The following WNT9A variants were observed in gnomAD, a reference collection of about 807,000 sequenced individuals.
WNT9A encodes the protein protein Wnt-9a.
WNT9A carries 8 observed loss-of-function variants against 31.4 expected under a neutral mutation model. That is an observed-to-expected ratio of 0.26 (90% CI 0.15 to 0.46). WNT9A has a LOEUF of 0.46. Among genes scored for constraint, WNT9A ranks in the 20% least tolerant of loss-of-function variants. WNT9A has a pLI of 0.99. For missense variants in WNT9A, 457 were observed against 522.9 expected, an observed-to-expected ratio of 0.87 and a Z score of 1.23; for synonymous variants, 236 against 220.1, an observed-to-expected ratio of 1.07 and a Z score of -0.64.
At position 227,921,458 on chromosome 1, in the gene WNT9A, C is replaced by A. The variant is rs2102715578; in HGVS notation, c.*60G>T. The A allele has an allele frequency of 6.4e-7, 1 of 1,563,208 alleles. No individual in the cohort carries two copies. The highest frequency in any genetic ancestry group is 1.2e-5 in the South Asian group (1 of 81,570). The stretch of plus-strand genomic sequence containing the variant: ...GGAACTCAGCCTGTGCAGGTGTAGA[C>A]CCTTCACACCGTGTGCAATGCCTGC... On this transcript the variant is annotated 3_prime_UTR_variant, in exon 4 of 4. Coordinates refer to ENST00000272164, the MANE Select transcript of WNT9A (RefSeq NM_003395.4).
rs556057091 is a variant in WNT9A at position 227,936,714 on chromosome 1, C to T, written c.95+11079G>A. 4.0e-3 allele frequency among the ~76,000 whole-genome samples: 602 copies of T among 152,144 alleles called. 8 individuals are homozygous for T. Among genetic ancestry groups the T allele is most frequent in the African/African-American group, 0.014 (587 of 41,496 alleles). On this transcript the variant is annotated intron_variant, in intron 1 of 3. Coordinates refer to ENST00000272164, the MANE Select transcript of WNT9A (RefSeq NM_003395.4). The stretch of plus-strand genomic sequence containing the variant: ...TATCTTGGCTCACTGCAGCCTCCAG[C>T]TCCAGGACTCAAGTGATCCTCCTTC...
intron 1 of WNT9A, among the ~76,000 whole-genome samples, chr1:227,943,696 C>A (rs1484745494): frequency 6.6e-6 from 1 of 152,174 alleles, no homozygotes; most frequent in Admixed American, 6.5e-5. Flanking sequence ...TAAATGCAGG[C>A]GGGGAGCAAG....
rs1388619151 is a variant in WNT9A at position 227,928,825 on chromosome 1, G to GT, written c.96-3307dup. Among the ~76,000 whole-genome samples the GT allele has an allele frequency of 6.6e-6, 1 of 152,194 alleles. No individual in the cohort carries two copies. Among genetic ancestry groups the GT allele is most frequent in the Non-Finnish European group, 1.5e-5 (1 of 68,032 alleles). ...CCTCAGAACAGAGAAGCTTTCTTCC[G>GT]TGAGACTCAGAACTCAGAAGTCACT... is the stretch of plus-strand genomic sequence containing the variant. On this transcript the variant is annotated intron_variant, in intron 1 of 3. Transcript: ENST00000272164. The surrounding 1 kb of genome is among the most constrained non-coding windows in gnomAD (Gnocchi z 4.5).
chr1:227,937,588 G>T (rs1572132714), intron 1 of WNT9A, among the ~76,000 whole-genome samples: 2 of 152,360 alleles, frequency 1.3e-5, no homozygotes, highest in African/African-American at 4.8e-5. Context: ...AAGACACAGA[G>T]GCGGACGAGA....
At chr1:227,922,850 G>A (rs1666346775) in intron 3 of WNT9A, among the ~76,000 whole-genome samples, 1 of 152,194 alleles carries the variant, frequency 6.6e-6, no homozygotes, top group Non-Finnish European at 1.5e-5. Flanking sequence ...GCAGCCCCCA[G>A]GAGGGCCGGC....
In WNT9A at chr1:227,919,031, T is replaced by C. The variant is rs1423288509; in HGVS notation, c.*2487A>G. 1 of 152,232 alleles carries C rather than the reference T, an allele frequency of 6.6e-6. No homozygotes were observed. 9.4% of individuals were successfully genotyped at this position (152,232 alleles called of 1,614,324 possible). On this transcript the variant is annotated 3_prime_UTR_variant, in exon 4 of 4. Transcript: ENST00000272164. Reference sequence around the variant, plus strand: ...CTTCATCCAGCAAGACATTCGAATATGTATTTGTATAGAAACCAACTAGCT... The same window carrying C: ...CTTCATCCAGCAAGACATTCGAATACGTATTTGTATAGAAACCAACTAGCT...
intron 3 of WNT9A, among the ~76,000 whole-genome samples, chr1:227,922,635 G>A (rs1666342600): frequency 6.6e-6 from 1 of 152,136 alleles, no homozygotes; most frequent in South Asian, 2.1e-4. Context: ...CTGCAGGAGA[G>A]TGTCCAGGCT....
chr1:227,939,596 A>C (rs1300015008), intron 1 of WNT9A, among the ~76,000 whole-genome samples: 1 of 152,178 alleles, frequency 6.6e-6, no homozygotes, highest in Non-Finnish European at 1.5e-5. Flanking sequence ...AGCTCCCAGC[A>C]CAATAGACAG....
chr1:227,921,770 C>T lies in WNT9A; in HGVS notation c.846G>A (p.Pro282=), dbSNP rs8192633. The change falls in exon 4 of 4, where the codon CCG becomes CCA. Residue 282 remains proline, a synonymous_variant. Coordinates refer to ENST00000272164, the MANE Select transcript of WNT9A (RefSeq NM_003395.4). ...GCACCAGCTCTGGAGTGCGGGGCAG[C>T]GGGTCGCTGCCACCTGCCCCCGAGG... ...GRASGAGGSD[P]LPRTPELVHL... is the part of the protein sequence containing the mutation. 33,748 of 1,612,156 alleles carry T rather than the reference C, an allele frequency of 0.021. 419 individuals carry two copies. The highest frequency in any genetic ancestry group is 0.028 in the South Asian group (2,532 of 91,048).
At chr1:227,935,832 T>C (rs1246748158) in intron 1 of WNT9A, among the ~76,000 whole-genome samples, 1 of 152,264 alleles carries the variant, frequency 6.6e-6, no homozygotes, top group African/African-American at 2.4e-5. Flanking sequence ...TTCAATGCTA[T>C]ACCATGTGTC....
chr1:227,922,655 G>A (rs1230677103), intron 3 of WNT9A, among the ~76,000 whole-genome samples: 2 of 151,436 alleles, frequency 1.3e-5, no homozygotes, highest in Non-Finnish European at 3.0e-5. Context: ...TGGCCCCAGA[G>A]GGGGGTGCAC....
chr1:227,920,015 C>G lies in WNT9A; in HGVS notation c.*1503G>C, dbSNP rs1666282619. The stretch of plus-strand genomic sequence containing the variant: ...TGTCCCAATCTGTCCCCCAGTGACA[C>G]AAAGCAAGCAGCTTCCTCATGACAT... On this transcript the variant is annotated 3_prime_UTR_variant, in exon 4 of 4. Transcript: ENST00000272164. 1 of 152,340 alleles carries G rather than the reference C, an allele frequency of 6.6e-6. No individual in the cohort carries two copies. The highest frequency in any genetic ancestry group is 6.5e-5 in the Admixed American group (1 of 15,294). The allele number at this position is 152,340 out of a possible 1,614,324, so 9.4% of individuals were successfully genotyped here.
At position 227,924,053 on chromosome 1, in the gene WNT9A, C is replaced by T. The variant is rs541327643; in HGVS notation, c.615+85G>A. The stretch of plus-strand genomic sequence containing the variant: ...GTGCCTGCCTGCCCTGCTGCAGCCC[C>T]GCCCCCAGTCCCACGCCCCACCCCC... On this transcript the variant is annotated intron_variant, in intron 3 of 3. Transcript: ENST00000272164. 2.4e-4 allele frequency: 266 copies of T among 1,090,230 alleles called. 7 individuals carry two copies. In the South Asian group the frequency reaches 4.2e-3, roughly 17 times the overall value. 67.5% of individuals were successfully genotyped at this position (1,090,230 alleles called of 1,614,324 possible). A position where few individuals can be genotyped will look rare whatever the true frequency, so the allele number is the denominator to read the frequency against.
At chr1:227,945,696 TCCAGCCCCG>T (rs1450329317) in intron 1 of WNT9A, among the ~76,000 whole-genome samples, 1 of 150,078 alleles carries the variant, frequency 6.7e-6, no homozygotes, top group East Asian at 2.0e-4. Context: ...CCCCTCCAGC[TCCAGCCCCG>T]CCTGGCCTTT....
intron 1 of WNT9A, among the ~76,000 whole-genome samples, chr1:227,947,488 G>A (rs185187010): frequency 5.9e-5 from 9 of 152,218 alleles, no homozygotes; most frequent in Non-Finnish European, 8.8e-5. Context: ...CAAGGAAGTC[G>A]GGACCTGATC....
rs1359897318 is a variant in WNT9A at position 227,925,128 on chromosome 1, AG to A, written c.352+134del. ...CCCGGGGCTGCCCTTTCCAGGGCCTAGGCCCAGGAGCTCTGGGCAGGCTGGG... is the reference window on the plus strand; with the variant it reads ...CCCGGGGCTGCCCTTTCCAGGGCCTAGCCCAGGAGCTCTGGGCAGGCTGGG... On this transcript the variant is annotated intron_variant, in intron 2 of 3. Transcript: ENST00000272164. The surrounding 1 kb of genome is among the most constrained non-coding windows in gnomAD (Gnocchi z 6.0). 27 of 1,336,812 alleles carry A rather than the reference AG, an allele frequency of 2.0e-5. No homozygotes were observed. Among genetic ancestry groups the A allele is most frequent in the African/African-American group, 3.0e-5 (2 of 66,466 alleles). The allele number at this position is 1,336,812 out of a possible 1,614,324, so 82.8% of individuals were successfully genotyped here.
chr1:227,922,484 T>G (rs533743966), intron 3 of WNT9A, among the ~76,000 whole-genome samples: 1 of 152,302 alleles, frequency 6.6e-6, no homozygotes, highest in African/African-American at 2.4e-5. Context: ...GGGAACCAGG[T>G]GCTACCGCAC....
chr1:227,935,740 TTTGTTG>T (rs754982200), intron 1 of WNT9A, among the ~76,000 whole-genome samples: 1 of 152,162 alleles, frequency 6.6e-6, no homozygotes. Context: ...TTTTTGGGTT[TTTGTTG>T]TTGTTGTTGT....
In WNT9A at chr1:227,925,438, G is replaced by T; in HGVS notation, c.177C>A (p.Cys59Ter). 1 of 1,594,692 alleles carries T rather than the reference G, an allele frequency of 6.3e-7. No homozygotes were observed. Residue 59 changes from cysteine (C) to a stop codon, truncating the protein, a stop_gained, in exon 2 of 4, where the codon TGC becomes TGA. Transcript: ENST00000272164. LOFTEE classifies it high-confidence loss of function. This position sits in a 1 kb window ranked among gnomAD's most constrained non-coding sequence, Gnocchi z 6.0. ...GCTTCCGCTCCAGCTTCAGCCGGTC[G>T]CAGGCCTTGTAGTGCGCCTGGGCAG... Reference protein sequence around the residue: ...EAAAQAHYKACDRLKLERKQR... With the variant: ...EAAAQAHYKA
Sources: gnomAD v4.1 joint callset for allele counts (sites outside exome capture counted in the v4.1 genomes callset) on GRCh38, gnomAD v4.1.1 for gene constraint, Gnocchi (gnomAD v3.1) non-coding constraint, MANE v1.5 for transcripts, NCBI Gene and HGNC (gene_info 2026-07-23, HGNC 2026-07-21) for gene names.